GAD1: variants seen among roughly 807,000 people sequenced by gnomAD.
GAD1 encodes 67 kDa glutamic acid decarboxylase.
A neutral mutation model predicts 75.2 loss-of-function variants in GAD1; 35 were observed. That is an observed-to-expected ratio of 0.47 (90% CI 0.36 to 0.62). The LOEUF (loss-of-function observed/expected upper bound fraction) is 0.62. GAD1 is among the 20% of genes least tolerant of loss of function. The pLI, the probability that GAD1 is intolerant of heterozygous loss-of-function variation, is 0.00. For missense variants in GAD1, 490 were observed against 758.5 expected (o/e 0.65, Z 4.16); for synonymous variants, 257 against 271.9 (o/e 0.95, Z 0.54).
At position 170,852,750 on chromosome 2, in the gene GAD1, G is replaced by A. The variant is rs754960530; in HGVS notation, c.1221G>A (p.Met407Ile). ...TCACCTGGAACCCTCACAAGATGAT[G>A]GGCGTGCTGTTGCAGTGCTCTGCCA... ...NSVTWNPHKM[M>I]GVLLQCSAIL... The change falls in exon 13 of 17, where the codon ATG (methionine) becomes ATA (isoleucine). Residue 407 changes from methionine (M) to isoleucine (I), a missense_variant. Met to Ile is a conservative substitution (Grantham distance 10). Around this residue, in one of 3 missense-constraint regions of GAD1, gnomAD observed 324 missense variants for 523.9 expected, o/e 0.62. Transcript: ENST00000358196. The A allele has an allele frequency of 1.2e-6, 2 of 1,614,078 alleles. No homozygotes were observed. The highest frequency in any genetic ancestry group is 1.3e-5 in the African/African-American group (1 of 74,936).
At chr2:170,815,280 C>A (rs1383402610), upstream of GAD1, among the ~76,000 whole-genome samples, 1 of 152,160 alleles carries the variant, frequency 6.6e-6, no homozygotes, top group Non-Finnish European at 1.5e-5. Context: ...GCTGCAGTCA[C>A]CGCGCGCCCC....
chr2:170,833,256 G>C (rs1702287891), intron 5 of GAD1, among the ~76,000 whole-genome samples: 1 of 152,248 alleles, frequency 6.6e-6, no homozygotes, highest in South Asian at 2.1e-4. Context: ...GCTGGCCAAA[G>C]ATGCTTTTTA....
chr2:170,859,062 C>T (rs1702910157), intron 16 of GAD1, among the ~76,000 whole-genome samples, 169 bp downstream of exon 16: 1 of 152,116 alleles, frequency 6.6e-6, no homozygotes, highest in Admixed American at 6.5e-5. Context: ...TCCTCTTGAG[C>T]CTGCATCGCC....
At chr2:170,825,591 C>T (rs1702004282) in intron 3 of GAD1, among the ~76,000 whole-genome samples, 1 of 152,216 alleles carries the variant, frequency 6.6e-6, no homozygotes, top group Non-Finnish European at 1.5e-5. Flanking sequence ...CTACACATAC[C>T]TGTGCGCACA....
rs1016782900 is a variant in GAD1, at chr2:170,860,144, T to C, written c.*262T>C. ...TCTCTATATATACATGTATAGTGAG[T>C]GTGGCTTAGTAATAGATCACGGCAT... On this transcript the variant is annotated 3_prime_UTR_variant, in exon 17 of 17. Transcript: ENST00000358196. The C allele has an allele frequency of 9.7e-6, 4 of 414,476 alleles. No homozygotes were observed. The Admixed American group carries it at 1.6e-4, about 16-fold the overall frequency. The allele number at this position is 414,476 out of a possible 1,614,324, so 25.7% of individuals were successfully genotyped here. A position where few individuals can be genotyped will look rare whatever the true frequency, so the allele number is the denominator to read the frequency against.
Position 170,845,504 on chromosome 2 carries a change from A to G in GAD1, c.752-2A>G. The stretch of plus-strand genomic sequence containing the variant: ...CCTCCCAATATGTCCGCTTGCTGAC[A>G]GGGGGCGCCATATCCAACATGTACA... On this transcript the variant is annotated splice_acceptor_variant, in intron 7 of 16. Transcript: ENST00000358196. LOFTEE classifies it high-confidence loss of function. 6.2e-7 allele frequency: 1 copy of G among 1,612,798 alleles called. No individual in the cohort carries two copies. Among genetic ancestry groups the G allele is most frequent in the Non-Finnish European group, 8.5e-7 (1 of 1,179,564 alleles).
intron 2 of GAD1, among the ~76,000 whole-genome samples, chr2:170,820,469 C>T (rs1172529873): frequency 1.3e-5 from 2 of 152,244 alleles, no homozygotes; most frequent in African/African-American, 4.8e-5. Flanking sequence ...GCGCGCTGGG[C>T]GCTCTATCCA....
At chr2:170,851,405 T>C (rs1034746756) in intron 12 of GAD1, among the ~76,000 whole-genome samples, 1 of 152,228 alleles carries the variant, frequency 6.6e-6, no homozygotes, top group Non-Finnish European at 1.5e-5. Context: ...CTTAGTTAAC[T>C]TTCCTTGGAA....
At chr2:170,856,948 C>T (rs1426837835) in intron 14 of GAD1, 70 bp from the exon 15 acceptor site, 4 of 1,182,838 alleles carry the variant, frequency 3.4e-6, no homozygotes, top group Non-Finnish European at 5.1e-6. Context: ...TAGACAGGGA[C>T]AGCATAGCCT....
At chr2:170,815,171 AG>A (rs1182061872), upstream of GAD1, among the ~76,000 whole-genome samples, 9 of 152,262 alleles carry the variant, frequency 5.9e-5, no homozygotes, top group Admixed American at 4.6e-4. Flanking sequence ...GCCCACTTCA[AG>A]CAGCGCAGAG....
chr2:170,824,262 A>G (rs1256908700), intron 3 of GAD1, among the ~76,000 whole-genome samples: 1 of 152,226 alleles, frequency 6.6e-6, no homozygotes, highest in East Asian at 1.9e-4. Context: ...GAAAGAAAAC[A>G]AAACACCAAG....
chr2:170,860,603 A>T lies in GAD1; in HGVS notation c.*721A>T, dbSNP rs984115944. On this transcript the variant is annotated 3_prime_UTR_variant, in exon 17 of 17. Transcript: ENST00000358196. ...TTTGCTTATTTATATTCAGAGATGTACCATGTTAAAGAGGCGTCTTGTATT... is the reference window on the plus strand; with the variant it reads ...TTTGCTTATTTATATTCAGAGATGTTCCATGTTAAAGAGGCGTCTTGTATT... 1 of 152,698 alleles carries T rather than the reference A, an allele frequency of 6.5e-6. No individual in the cohort carries two copies. Among genetic ancestry groups the T allele is most frequent in the Admixed American group, 6.5e-5 (1 of 15,290 alleles). The allele number at this position is 152,698 out of a possible 1,614,324, so 9.5% of individuals were successfully genotyped here. A position where few individuals can be genotyped will look rare whatever the true frequency, so the allele number is the denominator to read the frequency against.
intron 3 of GAD1, among the ~76,000 whole-genome samples, chr2:170,828,710 C>G (rs949260610): frequency 2.3e-5 from 3 of 133,292 alleles, no homozygotes; most frequent in African/African-American, 8.5e-5. Flanking sequence ...GTTGTCCACA[C>G]CCTTCTCCCT....
chr2:170,813,886 G>A (rs1482237477), upstream of GAD1, among the ~76,000 whole-genome samples: 1 of 152,158 alleles, frequency 6.6e-6, no homozygotes, highest in Non-Finnish European at 1.5e-5. Context: ...CCCTAATGCC[G>A]GAGAGAGACT....
rs2105800089 is a variant in GAD1 at position 170,845,996 on chromosome 2, C to A, written c.948-13C>A. On this transcript the variant is annotated splice_polypyrimidine_tract_variant and intron_variant, in intron 9 of 16. Coordinates refer to ENST00000358196, the MANE Select transcript of GAD1 (RefSeq NM_000817.3). ...TCTTCATTTTAATTTCCCTCCTTTTCCAATAATTATAGGGGGAAAATAATT... is the reference window on the plus strand; with the variant it reads ...TCTTCATTTTAATTTCCCTCCTTTTACAATAATTATAGGGGGAAAATAATT... The A allele has an allele frequency of 1.2e-6, 2 of 1,611,946 alleles. No homozygotes were observed. The highest frequency in any genetic ancestry group is 1.7e-5 in the Admixed American group (1 of 60,014).
In GAD1 at chr2:170,860,115, CCT is replaced by C. The variant is rs1030511275; in HGVS notation, c.*240_*241del. 3.8e-5 allele frequency: 20 copies of C among 523,082 alleles called. No individual in the cohort carries two copies. Among genetic ancestry groups the C allele is most frequent in the African/African-American group, 3.4e-4 (18 of 52,328 alleles). 32.4% of individuals were successfully genotyped at this position (523,082 alleles called of 1,614,324 possible). A position where few individuals can be genotyped will look rare whatever the true frequency, so the allele number is the denominator to read the frequency against. ...GAGTATATATGTACAGTTATACATA[CCT>C]CTCTCTATATATACATGTATAGTGA... is the stretch of plus-strand genomic sequence containing the variant. On this transcript the variant is annotated 3_prime_UTR_variant, in exon 17 of 17. Transcript: ENST00000358196.
At chr2:170,826,481 T>G (rs1016121448) in intron 3 of GAD1, among the ~76,000 whole-genome samples, 6 of 149,272 alleles carry the variant, frequency 4.0e-5, no homozygotes, top group African/African-American at 1.5e-4. Flanking sequence ...GGCAAGAGAA[T>G]CACTTGAACT....
In GAD1 at chr2:170,853,177, G is replaced by T; in HGVS notation, c.1263+385G>T. ...CTCGGAGTTCTTAGTATAAACGTGTGGTCCCAAGAACTGAAATAAATGAGA... is the reference window on the plus strand; with the variant it reads ...CTCGGAGTTCTTAGTATAAACGTGTTGTCCCAAGAACTGAAATAAATGAGA... On this transcript the variant is annotated intron_variant, in intron 13 of 16. Coordinates refer to ENST00000358196, the MANE Select transcript of GAD1 (RefSeq NM_000817.3). This position sits in a 1 kb window ranked among gnomAD's most constrained non-coding sequence, Gnocchi z 4.1. The T allele has an allele frequency of 3.6e-6, 1 of 281,046 alleles. No homozygotes were observed. Among genetic ancestry groups the T allele is most frequent in the South Asian group, 4.5e-5 (1 of 22,300 alleles). The allele number at this position is 281,046 out of a possible 1,614,324, so 17.4% of individuals were successfully genotyped here.
intron 3 of GAD1, chr2:170,829,079 C>G: frequency 3.1e-6 from 1 of 327,020 alleles, no homozygotes; most frequent in South Asian, 2.6e-5. Flanking sequence ...CTCTCCCCTC[C>G]TCCTTCTGCT....
Sources: gnomAD v4.1 joint callset for allele counts (sites outside exome capture counted in the v4.1 genomes callset) on GRCh38, gnomAD v4.1.1 for gene constraint, gnomAD v4.1.1 regional missense constraint, Gnocchi (gnomAD v3.1) non-coding constraint, MANE v1.5 for transcripts, NCBI Gene and HGNC (gene_info 2026-07-23, HGNC 2026-07-21) for gene names.